The following UHRF2 variants were observed in gnomAD, a reference collection of about 807,000 sequenced individuals.
The protein encoded by UHRF2 is E3 ubiquitin-protein ligase UHRF2.
In UHRF2, 23 loss-of-function variants were observed where a neutral mutation model predicts 96.8. The ratio of observed to expected loss-of-function variants is 0.24; its 90% confidence interval spans 0.17 to 0.34. The LOEUF is 0.34. Ranked by LOEUF, UHRF2 falls within the 10% of genes least tolerant of loss-of-function variation. The pLI, the probability that UHRF2 is intolerant of heterozygous loss-of-function variation, is 1.00. For synonymous variants in UHRF2, 385 were observed against 332.6 expected, an observed-to-expected ratio of 1.16 and a Z score of -1.72; for missense variants, 685 against 981.5, an observed-to-expected ratio of 0.70 and a Z score of 4.04.
chr9:6,448,613 T>A (rs1821663465), intron 3 of UHRF2, among the ~76,000 whole-genome samples: 1 of 152,200 alleles, frequency 6.6e-6, no homozygotes, highest in Non-Finnish European at 1.5e-5. Context: ...GTGTTAGTAA[T>A]TATAAGAGGA....
chr9:6,505,997 C>T (rs373728296), intron 15 of UHRF2, 36 bp from the exon 16 acceptor site: 5 of 1,611,858 alleles, frequency 3.1e-6, no homozygotes, highest in Non-Finnish European at 4.2e-6. Context: ...ATGCTTTATG[C>T]TCAGATTAAA....
Position 6,460,625 on chromosome 9 carries a change from G to A in UHRF2, c.697G>A (p.Ala233Thr). The change falls in exon 4 of 16, where the codon GCT becomes ACT. Residue 233 changes from alanine to threonine, a missense_variant. Physicochemically the swap from Ala to Thr is moderately conservative, Grantham distance 58 (BLOSUM62 0). Around this residue, in one of 6 missense-constraint regions of UHRF2, gnomAD observed 391 missense variants for 437.0 expected, o/e 0.89. Coordinates refer to ENST00000276893, the MANE Select transcript of UHRF2 (RefSeq NM_152896.3). The part of the protein sequence containing the change: ...EMNVKDLRPR[A>T]RTILKWNELN... ...GAATGTCAAGGATCTTAGACCACGA[G>A]CTAGAACCATTTTGAAATGGAATGA... 1.2e-6 allele frequency: 2 copies of A among 1,612,794 alleles called. No individual in the cohort carries two copies. The highest frequency in any genetic ancestry group is 1.1e-5 in the South Asian group (1 of 91,018).
intron 5 of UHRF2, 64 bp downstream of exon 5, chr9:6,475,564 T>C (rs1398168586): frequency 1.2e-6 from 1 of 866,122 alleles, no homozygotes; most frequent in Non-Finnish European, 1.7e-6. Context: ...TTATTTTTAC[T>C]GGTCAGTGAA....
At chr9:6,487,185 T>TA (rs1563799233) in intron 9 of UHRF2, among the ~76,000 whole-genome samples, 29 of 117,078 alleles carry the variant, frequency 2.5e-4, no homozygotes, top group African/African-American at 9.1e-4. Context: ...TTTTTTCCTT[T>TA]TTTTTTTTTT....
At chr9:6,432,721 G>A (rs1280936618) in intron 2 of UHRF2, among the ~76,000 whole-genome samples, 1 of 152,052 alleles carries the variant, frequency 6.6e-6, no homozygotes, top group Non-Finnish European at 1.5e-5. Context: ...CTCCCTTCAA[G>A]GAAAAGATAA....
chr9:6,475,571 T>A, intron 5 of UHRF2, 71 bp downstream of exon 5: 1 of 769,516 alleles, frequency 1.3e-6, no homozygotes, highest in Non-Finnish European at 2.0e-6. Context: ...TACTGGTCAG[T>A]GAATAACTTG....
chr9:6,472,781 C>G (rs749498581), intron 4 of UHRF2, among the ~76,000 whole-genome samples: 2 of 151,994 alleles, frequency 1.3e-5, no homozygotes, highest in African/African-American at 4.8e-5. Context: ...CAATGTCTTG[C>G]GTGTAATGTG....
At chr9:6,444,172 G>A (rs369875848) in intron 3 of UHRF2, among the ~76,000 whole-genome samples, 2 of 152,218 alleles carry the variant, frequency 1.3e-5, no homozygotes, top group African/African-American at 4.8e-5. Flanking sequence ...TCAGTCTTGA[G>A]TACAGGAGGG....
intron 8 of UHRF2, among the ~76,000 whole-genome samples, chr9:6,483,037 C>G (rs906723683): frequency 2.6e-5 from 4 of 152,002 alleles, no homozygotes; most frequent in African/African-American, 9.7e-5. Context: ...AAATTGCACA[C>G]AAGCTCAGGC....
At chr9:6,487,176 T>TTATTTTTTA (rs1563799186) in intron 9 of UHRF2, among the ~76,000 whole-genome samples, 12 of 142,342 alleles carry the variant, frequency 8.4e-5, no homozygotes, top group African/African-American at 3.3e-4. Flanking sequence ...CTTTTATTTT[T>TTATTTTTTA]TTTTCCTTTT....
intron 4 of UHRF2, among the ~76,000 whole-genome samples, chr9:6,461,190 C>T (rs977818018): frequency 6.6e-6 from 1 of 152,180 alleles, no homozygotes; most frequent in Admixed American, 6.5e-5. Context: ...CTAAGACTAG[C>T]TGAAATTTTC....
At chr9:6,422,678 C>T (rs781722852) in intron 2 of UHRF2, 40 of 633,850 alleles carry the variant, frequency 6.3e-5, no homozygotes, top group South Asian at 5.5e-4. Flanking sequence ...GACGTGAACA[C>T]GGCTCGCTGT....
rs58280407 is a variant in UHRF2 at position 6,488,540 on chromosome 9, CTTTTTTTTTTTT to C, written c.1497+1628_1497+1639del. Among the ~76,000 whole-genome samples, 376 of 83,832 alleles carry C rather than the reference CTTTTTTTTTTTT, an allele frequency of 4.5e-3. 3 individuals carry two copies. Among genetic ancestry groups the C allele is most frequent in the Non-Finnish European group, 7.2e-3 (329 of 45,944 alleles). The allele number at this position is 83,832 out of a possible 152,430, so 55.0% of individuals were successfully genotyped here. A position where few individuals can be genotyped will look rare whatever the true frequency, so the allele number is the denominator to read the frequency against. Reference sequence around the variant, plus strand: ...CACTAATCTTTTCTCTTTTTCTTTTCTTTTTTTTTTTTTTTTTTTTTTTTGAGATGGAATCTT... The same window carrying C: ...CACTAATCTTTTCTCTTTTTCTTTTCTTTTTTTTTTTTGAGATGGAATCTT... On this transcript the variant is annotated intron_variant, in intron 9 of 15. Transcript: ENST00000276893.
intron 2 of UHRF2, among the ~76,000 whole-genome samples, chr9:6,425,704 G>C (rs532425412): frequency 6.6e-6 from 1 of 152,062 alleles, no homozygotes; most frequent in Non-Finnish European, 1.5e-5. Context: ...CAGAGGTTAC[G>C]GGGAGCCGAG....
At chr9:6,465,273 G>A (rs765206052) in intron 4 of UHRF2, among the ~76,000 whole-genome samples, 6 of 152,150 alleles carry the variant, frequency 3.9e-5, no homozygotes, top group Non-Finnish European at 5.9e-5. Flanking sequence ...GTATTAATGC[G>A]TGAAATTTAC....
rs1171172143 is a variant in UHRF2, at chr9:6,428,533, C to CTTTTTTTTTTTTTTTTTTTTTTTTTTTT, written c.385-5370_385-5343dup. ...TGTAAATGGAACCATATTGCTTTTG[C>CTTTTTTTTTTTTTTTTTTTTTTTTTTTT]TTTTTTTTTTTTTTTTTTTTTTTTT... On this transcript the variant is annotated intron_variant, in intron 2 of 15. Coordinates refer to ENST00000276893, the MANE Select transcript of UHRF2 (RefSeq NM_152896.3). 3.1e-4 allele frequency among the ~76,000 whole-genome samples: 20 copies of CTTTTTTTTTTTTTTTTTTTTTTTTTTTT among 65,422 alleles called. 1 individual carries two copies. The highest frequency in any genetic ancestry group is 6.0e-4 in the East Asian group (1 of 1,670). The allele number at this position is 65,422 out of a possible 152,430, so 42.9% of individuals were successfully genotyped here. A position where few individuals can be genotyped will look rare whatever the true frequency, so the allele number is the denominator to read the frequency against.
chr9:6,470,176 C>T (rs770132287), intron 4 of UHRF2, among the ~76,000 whole-genome samples: 1 of 152,108 alleles, frequency 6.6e-6, no homozygotes, highest in Non-Finnish European at 1.5e-5. Flanking sequence ...AATTCAAGAC[C>T]AGCCTGGCCA....
At chr9:6,462,739 A>G (rs1822622749) in intron 4 of UHRF2, among the ~76,000 whole-genome samples, 1 of 151,826 alleles carries the variant, frequency 6.6e-6, no homozygotes, top group Admixed American at 6.6e-5. Flanking sequence ...CAATATGGTG[A>G]AACCCCATCT....
intron 1 of UHRF2, among the ~76,000 whole-genome samples, chr9:6,419,528 G>C (rs1343167312): frequency 6.6e-6 from 1 of 151,784 alleles, no homozygotes; most frequent in Non-Finnish European, 1.5e-5. Flanking sequence ...TAACATATTT[G>C]ACTTAATGTG....
Sources: allele counts gnomAD v4.1 joint callset (sites outside exome capture counted in the v4.1 genomes callset), GRCh38; gene constraint gnomAD v4.1.1; regional missense constraint gnomAD v4.1.1; transcripts MANE v1.5; gene names NCBI Gene and HGNC (gene_info 2026-07-23, HGNC 2026-07-21).